The following ABCB1 variants were observed in gnomAD, a reference collection of about 807,000 sequenced individuals.
ABCB1 encodes ATP binding cassette subfamily B member 1.
ABCB1 carries 69 observed loss-of-function variants against 142.0 expected under a neutral mutation model. That is an observed-to-expected ratio of 0.49 (90% CI 0.40 to 0.59). ABCB1 has a LOEUF of 0.59. Among genes scored for constraint, ABCB1 ranks in the 20% least tolerant of loss-of-function variants. The pLI, the probability that ABCB1 is intolerant of heterozygous loss-of-function variation, is 0.00. For synonymous variants in ABCB1, 532 were observed against 539.2 expected, an observed-to-expected ratio of 0.99 and a Z score of 0.18; for missense variants, 1,326 against 1,554.7, an observed-to-expected ratio of 0.85 and a Z score of 2.47.
rs35721439 is a variant in ABCB1 at position 87,504,319 on chromosome 7, G to T, written c.3767C>A (p.Thr1256Lys). The change falls in exon 28 of 28, where the codon ACG becomes AAG. Residue 1256 changes from threonine to lysine, a missense_variant. Transcript: ENST00000622132. ...TTTCTGTGCCAGCAGCTGCTGATGC[G>T]TGCCATGCTCCTTGACTCTGCCATT... ...FQNGRVKEHG[T>K]HQQLLAQKGI... The T allele has an allele frequency of 6.2e-6, 10 of 1,614,018 alleles. No homozygotes were observed. The highest frequency in any genetic ancestry group is 4.2e-6 in the Non-Finnish European group (5 of 1,180,006).
intron 10 of ABCB1, 34 bp downstream of exon 10, chr7:87,550,691 T>C (rs1165019604): frequency 1.9e-6 from 3 of 1,562,286 alleles, no homozygotes. Flanking sequence ...GACAATCTTT[T>C]AGATAGGTGG....
chr7:87,677,262 T>A, intron 1 of ABCB1, among the ~76,000 whole-genome samples: 1 of 136,332 alleles, frequency 7.3e-6, no homozygotes, highest in Non-Finnish European at 1.5e-5. Flanking sequence ...ATTAATAAAC[T>A]ACAGTGTATA....
intron 1 of ABCB1, among the ~76,000 whole-genome samples, chr7:87,691,532 T>G (rs1828012715): frequency 6.6e-6 from 1 of 152,166 alleles, no homozygotes; most frequent in African/African-American, 2.4e-5. Context: ...ATTATATATT[T>G]TATAACAAAA....
intron 2 of ABCB1, among the ~76,000 whole-genome samples, chr7:87,598,944 G>T (rs1231162705): frequency 6.6e-6 from 1 of 152,140 alleles, no homozygotes; most frequent in African/African-American, 2.4e-5. Context: ...GGGAGGAATG[G>T]TATTTAGAAA....
At chr7:87,530,862 AAAGAAAGAAAG>A (rs1816019676) in intron 21 of ABCB1, among the ~76,000 whole-genome samples, 1 of 147,648 alleles carries the variant, frequency 6.8e-6, no homozygotes, top group African/African-American at 2.5e-5. Flanking sequence ...AGAAAGAAAG[AAAGAAAGAAAG>A]AAAAGAAAGA....
chr7:87,648,576 G>A (rs892416216), intron 1 of ABCB1, among the ~76,000 whole-genome samples: 6 of 151,768 alleles, frequency 4.0e-5, no homozygotes, highest in Admixed American at 3.9e-4. Flanking sequence ...TTGTATAAAT[G>A]AGAAGAATGA....
intron 25 of ABCB1, among the ~76,000 whole-genome samples, chr7:87,512,464 C>T (rs1815057433): frequency 6.6e-6 from 1 of 152,156 alleles, no homozygotes; most frequent in African/African-American, 2.4e-5. Flanking sequence ...CTCTTGAGGC[C>T]ATTCTAATAT....
intron 1 of ABCB1, among the ~76,000 whole-genome samples, chr7:87,646,188 A>T (rs941298163): frequency 1.9e-4 from 29 of 152,206 alleles, no homozygotes; most frequent in African/African-American, 7.0e-4. Flanking sequence ...GTAACCTATG[A>T]GTAATGTAGA....
intron 1 of ABCB1, among the ~76,000 whole-genome samples, chr7:87,695,560 C>T (rs891135647): frequency 4.6e-5 from 7 of 151,962 alleles, no homozygotes; most frequent in Admixed American, 3.3e-4. Context: ...AATAATAGCT[C>T]AAAGGTAATA....
chr7:87,592,749 A>G (rs952048508), intron 3 of ABCB1, among the ~76,000 whole-genome samples: 1 of 152,180 alleles, frequency 6.6e-6, no homozygotes, highest in Admixed American at 6.5e-5. Context: ...TTATGTCCCT[A>G]TATGAAGATT....
At chr7:87,508,935 A>G (rs1814874730) in intron 26 of ABCB1, among the ~76,000 whole-genome samples, 1 of 152,178 alleles carries the variant, frequency 6.6e-6, no homozygotes, top group African/African-American at 2.4e-5. Flanking sequence ...GGCTTTCCAG[A>G]TATTGTACTT....
intron 1 of ABCB1, among the ~76,000 whole-genome samples, chr7:87,615,215 C>G (rs1819995902): frequency 6.6e-6 from 1 of 152,184 alleles, no homozygotes; most frequent in Non-Finnish European, 1.5e-5. Context: ...CTCTGTCTAT[C>G]TTGTCCACTT....
intron 1 of ABCB1, chr7:87,629,049 A>ATCAT: frequency 9.1e-7 from 1 of 1,104,958 alleles, no homozygotes. Flanking sequence ...GCTGCCGCCC[A>ATCAT]GTGCCCCCGC....
chr7:87,595,844 C>CT, intron 2 of ABCB1, 30 bp from the exon 3 acceptor site: 1 of 1,568,410 alleles, frequency 6.4e-7, no homozygotes, highest in South Asian at 1.1e-5. Context: ...TTACATAAAA[C>CT]TTTAAAAAGT....
At chr7:87,689,737 G>A (rs776803367) in intron 1 of ABCB1, among the ~76,000 whole-genome samples, 17 of 152,058 alleles carry the variant, frequency 1.1e-4, no homozygotes, top group Non-Finnish European at 1.8e-4. Flanking sequence ...TAATTTCAAT[G>A]AGTTGTCCTT....
intron 1 of ABCB1, chr7:87,628,702 G>A (rs1341324127): frequency 5.2e-6 from 3 of 577,502 alleles, no homozygotes; most frequent in Non-Finnish European, 5.1e-6. Context: ...CCTCCCTCCA[G>A]GCTCCTTTCC....
intron 1 of ABCB1, among the ~76,000 whole-genome samples, chr7:87,702,461 G>A (rs143151264): frequency 1.8e-4 from 27 of 151,986 alleles, no homozygotes; most frequent in Admixed American, 1.0e-3. Flanking sequence ...TAAATTTTTT[G>A]TAGAGATAAT....
chr7:87,677,340 A>G (rs1173406354), intron 1 of ABCB1, among the ~76,000 whole-genome samples: 2 of 151,912 alleles, frequency 1.3e-5, no homozygotes, highest in Admixed American at 6.6e-5. Flanking sequence ...AGATTTAAAA[A>G]AAAAAAAAAA....
At chr7:87,629,869 G>A (rs574907142) in intron 1 of ABCB1, among the ~76,000 whole-genome samples, 9 of 151,192 alleles carry the variant, frequency 6.0e-5, no homozygotes, top group African/African-American at 2.2e-4. Context: ...GTTGCAATGA[G>A]CTGAGATAAC....
Sources: allele counts gnomAD v4.1 joint callset (sites outside exome capture counted in the v4.1 genomes callset), GRCh38; gene constraint gnomAD v4.1.1; transcripts MANE v1.5; gene names NCBI Gene and HGNC (gene_info 2026-07-23, HGNC 2026-07-21).